Variants in RMDN2 observed in about 807,000 individuals in gnomAD.
The protein encoded by RMDN2 is regulator of microtubule dynamics protein 2.
In RMDN2, 61 loss-of-function variants were observed where a neutral mutation model predicts 52.8. That is an observed-to-expected ratio of 1.16 (90% CI 0.94 to 1.43). RMDN2 has a LOEUF of 1.43. RMDN2 is among the 40% of genes most tolerant of loss of function. RMDN2 has a pLI of 0.00. For missense variants in RMDN2, 592 were observed against 475.3 expected, an observed-to-expected ratio of 1.25 and a Z score of -2.28; for synonymous variants, 180 against 153.1, an observed-to-expected ratio of 1.18 and a Z score of -1.30.
At chr2:37,932,432 A>T (rs1666841956) in intron 2 of RMDN2, among the ~76,000 whole-genome samples, 1 of 151,170 alleles carries the variant, frequency 6.6e-6, no homozygotes, top group African/African-American at 2.4e-5. Context: ...CTTAGTACAG[A>T]ACAAAATGAA....
chr2:38,036,277 C>T (rs1680574995), intron 10 of RMDN2: 1 of 152,166 alleles, frequency 6.6e-6, no homozygotes. Flanking sequence ...AATGCTTCTT[C>T]CTACTGTGCC....
intron 1 of RMDN2, chr2:37,929,046 T>C (rs1220294473): frequency 1.8e-5 from 7 of 381,446 alleles, no homozygotes; most frequent in Non-Finnish European, 3.3e-5. Flanking sequence ...TTTACAGCTA[T>C]GCATCTTTAA....
At chr2:37,973,129 T>A (rs1329276422) in intron 2 of RMDN2, among the ~76,000 whole-genome samples, 1 of 152,202 alleles carries the variant, frequency 6.6e-6, no homozygotes, top group Non-Finnish European at 1.5e-5. Context: ...CATTTGGCCT[T>A]TGTCTTTTTT....
At chr2:38,043,903 TAAG>T (rs1681113124) in intron 10 of RMDN2, among the ~76,000 whole-genome samples, 1 of 152,056 alleles carries the variant, frequency 6.6e-6, no homozygotes, top group Non-Finnish European at 1.5e-5. Context: ...TAATTAAGAA[TAAG>T]AAGAATAAAA....
rs6708204 is a variant in RMDN2, at chr2:38,035,694, G to A, written c.1714-31288G>A. On this transcript the variant is annotated intron_variant, in intron 10 of 10. Coordinates refer to the RMDN2 transcript ENST00000234195. ...AATAAATGAGTCCCTGGAAGATAAG[G>A]AGGGTGGGAAACAGATAGGATAGGC... is the stretch of plus-strand genomic sequence containing the variant. 3.8e-3 allele frequency among the ~76,000 whole-genome samples: 572 copies of A among 152,310 alleles called. 3 individuals are homozygous for A. Among genetic ancestry groups the A allele is most frequent in the African/African-American group, 0.013 (541 of 41,562 alleles).
chr2:37,969,929 T>C (rs1316805516), intron 2 of RMDN2, among the ~76,000 whole-genome samples: 1 of 151,950 alleles, frequency 6.6e-6, no homozygotes, highest in East Asian at 1.9e-4. Context: ...TTCCCTTTCC[T>C]GTTTTCTTTC....
intron 2 of RMDN2, chr2:37,952,168 A>G: frequency 6.2e-7 from 1 of 1,613,266 alleles, no homozygotes; most frequent in South Asian, 1.1e-5. Flanking sequence ...CAAGATGAAG[A>G]CAGATCTTCA....
chr2:38,047,750 A>T (rs1231220037), intron 10 of RMDN2, among the ~76,000 whole-genome samples: 1 of 152,208 alleles, frequency 6.6e-6, no homozygotes, highest in Non-Finnish European at 1.5e-5. Flanking sequence ...AACCTCTCCC[A>T]TGACGGTTAA....
At chr2:38,063,271 C>T (rs537450575) in intron 10 of RMDN2, among the ~76,000 whole-genome samples, 2 of 152,274 alleles carry the variant, frequency 1.3e-5, no homozygotes, top group South Asian at 4.1e-4. Flanking sequence ...ACATCCTCTC[C>T]AGCACCTGTT....
rs528264742 is a variant in RMDN2 at position 37,941,474 on chromosome 2, T to C, written c.452+11745T>C. 5.3e-5 allele frequency among the ~76,000 whole-genome samples: 8 copies of C among 152,336 alleles called. No individual in the cohort carries two copies. In the South Asian group the frequency reaches 1.7e-3, roughly 32 times the overall value. On this transcript the variant is annotated intron_variant, in intron 2 of 10. Coordinates refer to ENST00000354545, the MANE Select transcript of RMDN2 (RefSeq NM_001170791.3). Reference sequence around the variant, plus strand: ...GAGCTGGCAGGCAGGAATATTTAAGTCTGCTGAAGCTGCGCCCACAGCCGC... The same window carrying C: ...GAGCTGGCAGGCAGGAATATTTAAGCCTGCTGAAGCTGCGCCCACAGCCGC...
In RMDN2 at chr2:38,039,077, CACACACACACACACACAG is replaced by C. The variant is rs1187352337; in HGVS notation, c.1714-27903_1714-27886del. On this transcript the variant is annotated intron_variant, in intron 10 of 10. Transcript: ENST00000234195. ...ACACACACACACACACACACACACA[CACACACACACACACACAG>C]AGAGAGAGATAAAATGTTCATGGAT... 1.4e-3 allele frequency among the ~76,000 whole-genome samples: 112 copies of C among 79,482 alleles called. 2 individuals are homozygous for C. Among genetic ancestry groups the C allele is most frequent in the Admixed American group, 5.1e-3 (37 of 7,294 alleles). The allele number at this position is 79,482 out of a possible 152,430, so 52.1% of individuals were successfully genotyped here. A position where few individuals can be genotyped will look rare whatever the true frequency, so the allele number is the denominator to read the frequency against.
intron 2 of RMDN2, among the ~76,000 whole-genome samples, chr2:37,970,534 A>T (rs535799866): frequency 6.6e-6 from 1 of 152,128 alleles, no homozygotes; most frequent in Non-Finnish European, 1.5e-5. Flanking sequence ...TGTGTCAGTT[A>T]TATTAGTTTT....
intron 7 of RMDN2, among the ~76,000 whole-genome samples, chr2:37,992,566 C>T (rs1324471680): frequency 6.6e-6 from 1 of 152,202 alleles, no homozygotes; most frequent in African/African-American, 2.4e-5. Context: ...TATCTGAAAT[C>T]TCTTCAAGGA....
chr2:37,929,654 C>A lies in RMDN2; in HGVS notation c.377C>A (p.Ala126Glu), dbSNP rs1156354500. 1 of 1,544,330 alleles carries A rather than the reference C, an allele frequency of 6.5e-7. No homozygotes were observed. The highest frequency in any genetic ancestry group is 1.2e-5 in the South Asian group (1 of 81,580). ...CATAAGATAAGCCCTCAGCACAGAG[C>A]GAGAAAAAGAAGACTCCCCACAATT... is the stretch of plus-strand genomic sequence containing the variant. ...TVHKISPQHR[A>E]RKRRLPTIQS... Residue 126 changes from alanine (A) to glutamate (E), a missense_variant, in exon 2 of 11, where the codon GCG becomes GAG. Coordinates refer to ENST00000354545, the MANE Select transcript of RMDN2 (RefSeq NM_001170791.3).
intron 10 of RMDN2, among the ~76,000 whole-genome samples, chr2:38,057,720 A>C (rs1273009278): frequency 6.6e-6 from 1 of 152,156 alleles, no homozygotes; most frequent in African/African-American, 2.4e-5. Context: ...GTTCAGTACC[A>C]TCCCCCTTGG....
chr2:38,040,255 G>A (rs1438993908), intron 10 of RMDN2, among the ~76,000 whole-genome samples: 1 of 151,924 alleles, frequency 6.6e-6, no homozygotes. Context: ...ATACCACGCT[G>A]TCTTTATAAC....
chr2:37,946,554 C>T (rs558612595), intron 2 of RMDN2, among the ~76,000 whole-genome samples: 1 of 152,216 alleles, frequency 6.6e-6, no homozygotes, highest in East Asian at 1.9e-4. Context: ...GAAGTATTTG[C>T]ATTAATGATG....
intron 10 of RMDN2, among the ~76,000 whole-genome samples, chr2:38,041,182 G>C (rs1323552345): frequency 6.6e-6 from 1 of 152,086 alleles, no homozygotes; most frequent in African/African-American, 2.4e-5. Context: ...ATCAGGCCTT[G>C]CTATAAGAAT....
downstream of RMDN2, among the ~76,000 whole-genome samples, chr2:38,019,954 T>A (rs1035286948): frequency 5.9e-5 from 9 of 152,248 alleles, no homozygotes; most frequent in African/African-American, 2.2e-4. Flanking sequence ...TTTTTTAATT[T>A]AAAAATAATT....
Sources: allele counts gnomAD v4.1 joint callset (sites outside exome capture counted in the v4.1 genomes callset), GRCh38; gene constraint gnomAD v4.1.1; transcripts MANE v1.5; gene names NCBI Gene and HGNC (gene_info 2026-07-23, HGNC 2026-07-21).